Variants in SGCD observed in about 807,000 individuals in gnomAD.
SGCD encodes the protein sarcoglycan delta, also known as delta-sarcoglycan.
SGCD carries 18 observed loss-of-function variants against 36.6 expected under a neutral mutation model. That is an observed-to-expected ratio of 0.49 (90% confidence interval 0.34 to 0.73). The LOEUF is 0.73. SGCD is among the 30% of genes least tolerant of loss of function. The probability of loss-of-function intolerance (pLI) is 0.01; values close to 1 mark genes in which losing one functional copy is unlikely to be tolerated. For synonymous variants in SGCD, 133 were observed against 130.6 expected (o/e 1.02, Z -0.12); for missense variants, 387 against 346.7 (o/e 1.12, Z -0.92).
intron 3 of SGCD, among the ~76,000 whole-genome samples, chr5:156,302,946 C>G (rs1767092968): frequency 6.6e-6 from 1 of 152,182 alleles, no homozygotes; most frequent in Non-Finnish European, 1.5e-5. Context: ...AGGTCTTACC[C>G]AAAGCCTGCA....
chr5:156,537,450 A>T, intron 4 of SGCD, among the ~76,000 whole-genome samples: 1 of 124,448 alleles, frequency 8.0e-6, no homozygotes. Flanking sequence ...TGAGGTTAGA[A>T]GGTAGCAGCC....
chr5:156,271,546 C>T (rs183167732), intron 3 of SGCD, among the ~76,000 whole-genome samples: 135 of 152,190 alleles, frequency 8.9e-4, no homozygotes, highest in African/African-American at 3.2e-3. Flanking sequence ...ATAGCTTTAT[C>T]TAATACTTGA....
intron 1 of SGCD, among the ~76,000 whole-genome samples, chr5:155,991,357 G>A (rs887951585): frequency 1.8e-4 from 28 of 152,240 alleles, no homozygotes; most frequent in African/African-American, 5.8e-4. Context: ...TTGTGTAATT[G>A]ATGGGTTAGT....
At chr5:155,879,657 C>T (rs1755839874) in intron 1 of SGCD, among the ~76,000 whole-genome samples, 1 of 152,006 alleles carries the variant, frequency 6.6e-6, no homozygotes, top group South Asian at 2.1e-4. Context: ...ATTGTTTTTC[C>T]TCTCAAACTA....
chr5:156,705,464 T>C (rs574472032), intron 7 of SGCD, among the ~76,000 whole-genome samples: 1 of 152,166 alleles, frequency 6.6e-6, no homozygotes, highest in Non-Finnish European at 1.5e-5. Flanking sequence ...TCTCCTCTGC[T>C]GGAATATCAG....
In SGCD at chr5:156,764,780, A is replaced by G. The variant is rs1757558401; in HGVS notation, c.*5390A>G. 1 of 152,186 alleles carries G rather than the reference A, an allele frequency of 6.6e-6. No homozygotes were observed. Among genetic ancestry groups the G allele is most frequent in the Non-Finnish European group, 1.5e-5 (1 of 68,028 alleles). The allele number at this position is 152,186 out of a possible 1,614,324, so 9.4% of individuals were successfully genotyped here. A position where few individuals can be genotyped will look rare whatever the true frequency, so the allele number is the denominator to read the frequency against. ...GTGATGTCATCATACAGTGTTAATG[A>G]TGCTATCAAATCCATCAATAAACAG... On this transcript the variant is annotated 3_prime_UTR_variant, in exon 9 of 9. Coordinates refer to ENST00000337851, the MANE Select transcript of SGCD (RefSeq NM_000337.6).
At chr5:156,000,752 A>G (rs1447234959) in intron 1 of SGCD, among the ~76,000 whole-genome samples, 6 of 151,982 alleles carry the variant, frequency 3.9e-5, no homozygotes, top group Non-Finnish European at 7.4e-5. Flanking sequence ...GGAGGAATCA[A>G]TGACTACTCA....
At position 156,266,777 on chromosome 5, in the gene SGCD, GTT is replaced by G. The variant is rs67300215; in HGVS notation, c.-43-62743_-43-62742del. On this transcript the variant is annotated intron_variant, in intron 3 of 9. Coordinates refer to the SGCD transcript ENST00000517913. ...ACAGCTGTGACCCACTGGCCCCACT[GTT>G]TTTTTTTTTTTTTGGTAGAATATCA... Among the ~76,000 whole-genome samples the G allele has an allele frequency of 2.5e-3, 350 of 137,708 alleles. 1 individual carries two copies. The highest frequency in any genetic ancestry group is 7.3e-3 in the African/African-American group (279 of 38,306). The allele number at this position is 137,708 out of a possible 152,430, so 90.3% of individuals were successfully genotyped here. A position where few individuals can be genotyped will look rare whatever the true frequency, so the allele number is the denominator to read the frequency against.
intron 3 of SGCD, among the ~76,000 whole-genome samples, chr5:156,144,684 G>A (rs1285364520): frequency 6.6e-6 from 1 of 152,134 alleles, no homozygotes; most frequent in Non-Finnish European, 1.5e-5. Flanking sequence ...CCATTCTGTA[G>A]GTTGCCTGTT....
chr5:156,621,707 C>T (rs894219080), intron 6 of SGCD, among the ~76,000 whole-genome samples: 20 of 152,160 alleles, frequency 1.3e-4, no homozygotes, highest in African/African-American at 4.6e-4. Flanking sequence ...CTATTTTGAG[C>T]ATATACAAAG....
intron 6 of SGCD, among the ~76,000 whole-genome samples, chr5:156,602,637 G>T (rs1761246117): frequency 6.6e-6 from 1 of 152,018 alleles, no homozygotes; most frequent in African/African-American, 2.4e-5. Flanking sequence ...CTAATTTGAT[G>T]AATTTCTTGC....
At position 156,732,643 on chromosome 5, in the gene SGCD, T is replaced by C. The variant is rs181772228; in HGVS notation, c.576-24938T>C. On this transcript the variant is annotated intron_variant, in intron 7 of 8. Transcript: ENST00000337851. ...AGGGCAGAGTCCCTCCCTTCTCAAT[T>C]TTTTGTCACAGTTTCAGTAGGAATG... Among the ~76,000 whole-genome samples the C allele has an allele frequency of 2.2e-3, 342 of 152,106 alleles. 2 individuals are homozygous for C. The highest frequency in any genetic ancestry group is 8.0e-3 in the African/African-American group (332 of 41,454).
the SGCD span, among the ~76,000 whole-genome samples, chr5:155,863,679 T>C: frequency 3.1e-4 from 46 of 147,506 alleles, no homozygotes; most frequent in Non-Finnish European, 5.5e-4. Context: ...GGTACTGAAA[T>C]GTACTCTCCA....
In SGCD at chr5:155,990,457, T is replaced by C. The variant is rs997314532; in HGVS notation, c.-282+120033T>C. Among the ~76,000 whole-genome samples, 5 of 152,174 alleles carry C rather than the reference T, an allele frequency of 3.3e-5. No individual in the cohort carries two copies. In the East Asian group the frequency reaches 5.8e-4, roughly 18 times the overall value. The stretch of plus-strand genomic sequence containing the variant: ...TAAGGAAAGCACATGCATGATCTTA[T>C]ATGATATTTTTGTAGACAGTTGTCA... On this transcript the variant is annotated intron_variant, in intron 1 of 9. Transcript: ENST00000517913.
chr5:156,303,229 G>A (rs1438245278), intron 3 of SGCD, among the ~76,000 whole-genome samples: 1 of 152,096 alleles, frequency 6.6e-6, no homozygotes, highest in Admixed American at 6.5e-5. Flanking sequence ...TTTTCCATAA[G>A]CAGAGGAGTC....
intron 3 of SGCD, among the ~76,000 whole-genome samples, chr5:156,448,179 A>G (rs1026227549): frequency 3.3e-5 from 5 of 152,184 alleles, no homozygotes; most frequent in Non-Finnish European, 7.4e-5. Context: ...TTCCTAAGGC[A>G]CTACTATCAT....
At chr5:155,778,177 A>T in the SGCD span, among the ~76,000 whole-genome samples, 3 of 152,198 alleles carry the variant, frequency 2.0e-5, no homozygotes, top group African/African-American at 7.2e-5. Flanking sequence ...ACAGCATTCT[A>T]GGATAATGCA....
chr5:156,636,284 T>A lies in SGCD; in HGVS notation c.503-11180T>A, dbSNP rs148014418. On this transcript the variant is annotated intron_variant, in intron 6 of 8. Transcript: ENST00000337851. ...AGTATTGCAGTGGTATAGCTGATACTAACAGCTCATATGTCTCCCCTACAG... is the reference window on the plus strand; with the variant it reads ...AGTATTGCAGTGGTATAGCTGATACAAACAGCTCATATGTCTCCCCTACAG... Among the ~76,000 whole-genome samples the A allele has an allele frequency of 5.8e-4, 89 of 152,330 alleles. 1 individual carries two copies. The highest frequency in any genetic ancestry group is 6.8e-3 in the Middle Eastern group (2 of 294).
intron 3 of SGCD, among the ~76,000 whole-genome samples, chr5:156,364,391 G>A (rs1580877212): frequency 6.6e-6 from 1 of 151,622 alleles, no homozygotes; most frequent in East Asian, 1.9e-4. Context: ...AATGCGCAAT[G>A]AAATCCATGA....
Sources: gnomAD v4.1 joint callset for allele counts (sites outside exome capture counted in the v4.1 genomes callset) on GRCh38, gnomAD v4.1.1 for gene constraint, MANE v1.5 for transcripts, NCBI Gene and HGNC (gene_info 2026-07-23, HGNC 2026-07-21) for gene names.